Variants in NTNG1 observed in about 807,000 individuals in gnomAD.
NTNG1 encodes netrin-G1.
In NTNG1, 16 loss-of-function variants were observed where a neutral mutation model predicts 54.0. That is an observed-to-expected ratio of 0.30 (90% confidence interval 0.20 to 0.45). NTNG1 has a LOEUF of 0.45. NTNG1 is among the 20% of genes least tolerant of loss of function. The pLI is 1.00. For synonymous variants in NTNG1, 255 were observed against 263.1 expected, an observed-to-expected ratio of 0.97 and a Z score of 0.30; for missense variants, 530 against 678.7, an observed-to-expected ratio of 0.78 and a Z score of 2.43.
At chr1:107,480,337 T>C (rs2101617063) in intron 7 of NTNG1, among the ~76,000 whole-genome samples, 1 of 152,308 alleles carries the variant, frequency 6.6e-6, no homozygotes, top group Non-Finnish European at 1.5e-5. Flanking sequence ...ATTGCATTAC[T>C]TTGTATTCTA....
intron 2 of NTNG1, 112 bp from the exon 3 acceptor site, chr1:107,324,170 T>C (rs1667811889): frequency 8.3e-6 from 8 of 965,980 alleles, no homozygotes; most frequent in Admixed American, 6.8e-5. Flanking sequence ...AAATGATTAC[T>C]GAAAACAGAT....
chr1:107,190,089 T>TA (rs1283027418), intron 2 of NTNG1, among the ~76,000 whole-genome samples: 1 of 152,112 alleles, frequency 6.6e-6, no homozygotes, highest in Non-Finnish European at 1.5e-5. Flanking sequence ...CAATTCCACT[T>TA]ATGTGAGCTC....
intron 2 of NTNG1, among the ~76,000 whole-genome samples, chr1:107,302,738 C>T (rs1666404080): frequency 6.6e-6 from 1 of 152,040 alleles, no homozygotes; most frequent in South Asian, 2.1e-4. Flanking sequence ...CATCAACATA[C>T]CAGAATGAAC....
At position 107,229,189 on chromosome 1, in the gene NTNG1, C is replaced by T. The variant is rs189515871; in HGVS notation, c.246+80350C>T. On this transcript the variant is annotated intron_variant, in intron 2 of 7. Transcript: ENST00000370068. Reference sequence around the variant, plus strand: ...ATGTCATAAATGAAGAAGGGCTCTTCGGATGGCAGCCCCACTTAATAACTG... The same window carrying T: ...ATGTCATAAATGAAGAAGGGCTCTTTGGATGGCAGCCCCACTTAATAACTG... Among the ~76,000 whole-genome samples, 28 of 151,894 alleles carry T rather than the reference C, an allele frequency of 1.8e-4. No individual in the cohort carries two copies. The East Asian group carries it at 3.1e-3, about 17-fold the overall frequency.
chr1:107,331,199 T>C (rs532454071), intron 3 of NTNG1, among the ~76,000 whole-genome samples: 15 of 152,048 alleles, frequency 9.9e-5, no homozygotes, highest in Non-Finnish European at 1.8e-4. Context: ...CCAAGCATTA[T>C]GCTCTTACAG....
chr1:107,179,311 T>C (rs1483003310), intron 2 of NTNG1, among the ~76,000 whole-genome samples: 2 of 152,196 alleles, frequency 1.3e-5, no homozygotes, highest in Non-Finnish European at 2.9e-5. Flanking sequence ...AATATTTTAT[T>C]ATCTTTTAAA....
At chr1:107,297,136 T>TAA (rs1557878077) in intron 2 of NTNG1, among the ~76,000 whole-genome samples, 14 of 141,870 alleles carry the variant, frequency 9.9e-5, no homozygotes, top group East Asian at 6.1e-4. Flanking sequence ...TATATATATA[T>TAA]AACATCATAT....
chr1:107,190,638 C>T (rs1466542724), intron 2 of NTNG1, among the ~76,000 whole-genome samples: 1 of 152,090 alleles, frequency 6.6e-6, no homozygotes. Context: ...CAAGTGTTCT[C>T]ATTGTTCAGT....
intron 2 of NTNG1, among the ~76,000 whole-genome samples, chr1:107,169,189 C>T (rs17018551): frequency 0.036 from 5,529 of 152,120 alleles, 338 homozygotes; most frequent in African/African-American, 0.13. Context: ...ACAGTCTTGG[C>T]CACCTGGGAG....
At chr1:107,269,195 T>C (rs190276366) in intron 2 of NTNG1, among the ~76,000 whole-genome samples, 150 of 152,334 alleles carry the variant, frequency 9.8e-4, no homozygotes, top group African/African-American at 3.5e-3. Context: ...TAGGACTCTC[T>C]TTTGGCTTCT....
chr1:107,173,862 C>T (rs767145074), intron 2 of NTNG1, among the ~76,000 whole-genome samples: 7 of 151,566 alleles, frequency 4.6e-5, no homozygotes, highest in Non-Finnish European at 8.8e-5. Flanking sequence ...TTTAGCATTT[C>T]CTTTTCCATA....
intron 2 of NTNG1, among the ~76,000 whole-genome samples, chr1:107,223,990 T>G (rs1224332112): frequency 6.6e-6 from 1 of 152,188 alleles, no homozygotes; most frequent in Non-Finnish European, 1.5e-5. Flanking sequence ...ATTTTCAAAA[T>G]GCTAGTTCAA....
At position 107,482,316 on chromosome 1, in the gene NTNG1, A is replaced by G. The variant is rs1236392014; in HGVS notation, c.*1476A>G. 1 of 152,212 alleles carries G rather than the reference A, an allele frequency of 6.6e-6. No homozygotes were observed. The highest frequency in any genetic ancestry group is 1.9e-4 in the East Asian group (1 of 5,206). The allele number at this position is 152,212 out of a possible 1,614,324, so 9.4% of individuals were successfully genotyped here. On this transcript the variant is annotated 3_prime_UTR_variant, in exon 8 of 8. Coordinates refer to ENST00000370068, the MANE Select transcript of NTNG1 (RefSeq NM_001113226.3). ...GCAATTTGACTTTGAATATATTCAG[A>G]CTTAAGTATTTAGAGGAAATATCAA... is the stretch of plus-strand genomic sequence containing the variant.
intron 3 of NTNG1, among the ~76,000 whole-genome samples, chr1:107,335,624 G>A (rs1668531649): frequency 6.6e-6 from 1 of 151,942 alleles, no homozygotes; most frequent in South Asian, 2.1e-4. Context: ...GCTAATAGTG[G>A]TGGAATTGTG....
At chr1:107,464,466 G>A (rs1470322563) in intron 7 of NTNG1, among the ~76,000 whole-genome samples, 1 of 152,166 alleles carries the variant, frequency 6.6e-6, no homozygotes, top group East Asian at 1.9e-4. Context: ...AGACATATAT[G>A]AAGGGGCTAG....
intron 2 of NTNG1, among the ~76,000 whole-genome samples, chr1:107,203,029 T>A (rs1018605778): frequency 6.6e-6 from 1 of 151,964 alleles, no homozygotes; most frequent in African/African-American, 2.4e-5. Context: ...CCACACTTTT[T>A]AAATGAAAAG....
intron 2 of NTNG1, among the ~76,000 whole-genome samples, chr1:107,290,405 C>G (rs1188963067): frequency 6.6e-6 from 1 of 152,150 alleles, no homozygotes; most frequent in Non-Finnish European, 1.5e-5. Context: ...CCTGAAGTGA[C>G]AGCTGAAAGA....
At chr1:107,456,989 C>T (rs1269174479) in intron 7 of NTNG1, among the ~76,000 whole-genome samples, 1 of 152,194 alleles carries the variant, frequency 6.6e-6, no homozygotes, top group Non-Finnish European at 1.5e-5. Flanking sequence ...ACAACACCAT[C>T]CACACATGTA....
intron 2 of NTNG1, among the ~76,000 whole-genome samples, chr1:107,193,321 G>A (rs186135199): frequency 1.3e-5 from 2 of 152,004 alleles, no homozygotes; most frequent in East Asian, 3.9e-4. Context: ...TCCAACTTCG[G>A]TCATTTTGTG....
Sources: gnomAD v4.1 joint callset for allele counts (sites outside exome capture counted in the v4.1 genomes callset) on GRCh38, gnomAD v4.1.1 for gene constraint, MANE v1.5 for transcripts, NCBI Gene and HGNC (gene_info 2026-07-23, HGNC 2026-07-21) for gene names.